The following KPNA1 variants were observed in gnomAD, a reference collection of about 807,000 sequenced individuals.
KPNA1 encodes the protein karyopherin subunit alpha 1.
In KPNA1, 10 loss-of-function variants were observed where a neutral mutation model predicts 70.5. The observed-to-expected ratio is 0.14, with a 90% CI of 0.09 to 0.24. The LOEUF (loss-of-function observed/expected upper bound fraction) is 0.24. Among genes scored for constraint, KPNA1 ranks in the 10% least tolerant of loss-of-function variants. KPNA1 has a pLI of 1.00. For synonymous variants in KPNA1, 192 were observed against 221.9 expected (o/e 0.87, Z 1.20); for missense variants, 397 against 637.9 (o/e 0.62, Z 4.07).
intron 2 of KPNA1, among the ~76,000 whole-genome samples, chr3:122,472,992 A>C (rs564971464): frequency 1.3e-5 from 2 of 152,260 alleles, no homozygotes; most frequent in South Asian, 2.1e-4. Context: ...GAGGCACCAG[A>C]ATCACCTGGA....
rs1017006118 is a variant in KPNA1 at position 122,425,540 on chromosome 3, G to T, written c.*1445C>A. ...AACATTGAGTCAAGATGGCCAACTAGCACCGAGAAGTCGTATTGAACTCAT... is the reference window on the plus strand; with the variant it reads ...AACATTGAGTCAAGATGGCCAACTATCACCGAGAAGTCGTATTGAACTCAT... On this transcript the variant is annotated 3_prime_UTR_variant, in exon 14 of 14. Coordinates refer to ENST00000344337, the MANE Select transcript of KPNA1 (RefSeq NM_002264.4). 1 of 152,534 alleles carries T rather than the reference G, an allele frequency of 6.6e-6. No homozygotes were observed. Among genetic ancestry groups the T allele is most frequent in the African/African-American group, 2.4e-5 (1 of 41,396 alleles). The allele number at this position is 152,534 out of a possible 1,614,324, so 9.4% of individuals were successfully genotyped here.
intron 1 of KPNA1, 95 bp from the exon 2 acceptor site, chr3:122,496,665 T>C: frequency 1.8e-6 from 2 of 1,139,748 alleles, no homozygotes; most frequent in Non-Finnish European, 2.5e-6. Context: ...TGCCCAGACA[T>C]ATCCCAAAGG....
chr3:122,474,718 T>C (rs1470731805), intron 2 of KPNA1, among the ~76,000 whole-genome samples: 1 of 152,076 alleles, frequency 6.6e-6, no homozygotes, highest in Non-Finnish European at 1.5e-5. Flanking sequence ...CATACGCAAA[T>C]CTATGAATGT....
chr3:122,434,862 G>A (rs971741482), intron 11 of KPNA1, among the ~76,000 whole-genome samples: 6 of 152,192 alleles, frequency 3.9e-5, no homozygotes, highest in Non-Finnish European at 8.8e-5. Context: ...GGTGGTGACA[G>A]GCAATCAAAT....
chr3:122,459,583 A>G, intron 5 of KPNA1: 1 of 985,356 alleles, frequency 1.0e-6, no homozygotes, highest in East Asian at 1.1e-4. Flanking sequence ...TCCTGAGAAA[A>G]GTCTCTCTTC....
intron 2 of KPNA1, among the ~76,000 whole-genome samples, chr3:122,478,464 CA>C (rs372579466): frequency 8.6e-5 from 13 of 151,386 alleles, no homozygotes; most frequent in African/African-American, 2.9e-4. Flanking sequence ...TCTATTAATA[CA>C]AAAATTTAAT....
chr3:122,449,484 A>C, intron 9 of KPNA1, 90 bp downstream of exon 9: 3 of 1,006,846 alleles, frequency 3.0e-6, no homozygotes, highest in Non-Finnish European at 4.4e-6. Context: ...ATCAATTATC[A>C]TGTACAATCC....
chr3:122,492,814 TATTATTCTTTACGGCAATGGTC>T (rs2076715035), intron 2 of KPNA1, among the ~76,000 whole-genome samples: 1 of 152,228 alleles, frequency 6.6e-6, no homozygotes, highest in Admixed American at 6.5e-5. Flanking sequence ...AGAAAAAGGC[TATTATTCTTTACGGCAATGGTC>T]ATTCACACTG....
At chr3:122,440,957 C>T (rs1560021230) in intron 10 of KPNA1, among the ~76,000 whole-genome samples, 1 of 152,152 alleles carries the variant, frequency 6.6e-6, no homozygotes, top group Non-Finnish European at 1.5e-5. Context: ...CCTGAGAGAA[C>T]AAATCTAATC....
In KPNA1 at chr3:122,489,940, C is replaced by T. The variant is rs369131725; in HGVS notation, c.129+6497G>A. ...GTATACAGCTCATTAATCTCCACTA[C>T]TGAGGCAAGGCTCTCCTGAATACTC... On this transcript the variant is annotated intron_variant, in intron 2 of 13. Coordinates refer to ENST00000344337, the MANE Select transcript of KPNA1 (RefSeq NM_002264.4). 3.9e-5 allele frequency among the ~76,000 whole-genome samples: 6 copies of T among 152,246 alleles called. No individual in the cohort carries two copies. The South Asian group carries it at 1.0e-3, about 26-fold the overall frequency.
At chr3:122,465,683 C>T (rs1438342081) in intron 3 of KPNA1, among the ~76,000 whole-genome samples, 1 of 152,164 alleles carries the variant, frequency 6.6e-6, no homozygotes, top group African/African-American at 2.4e-5. Flanking sequence ...GGGTGGATCA[C>T]GAGGTCAGGA....
chr3:122,486,478 C>A (rs1472568958), intron 2 of KPNA1, among the ~76,000 whole-genome samples: 1 of 152,194 alleles, frequency 6.6e-6, no homozygotes, highest in Non-Finnish European at 1.5e-5. Context: ...CACTAGGAAA[C>A]CTCTGGGTGA....
At chr3:122,478,646 GGGACCCAGGA>G (rs1232333643) in intron 2 of KPNA1, among the ~76,000 whole-genome samples, 2 of 151,086 alleles carry the variant, frequency 1.3e-5, no homozygotes, top group African/African-American at 4.9e-5. Flanking sequence ...TGCTTGAACT[GGGACCCAGGA>G]GGCGGAAGTT....
intron 2 of KPNA1, among the ~76,000 whole-genome samples, chr3:122,478,325 T>C (rs1227563219): frequency 6.6e-6 from 1 of 151,570 alleles, no homozygotes; most frequent in Non-Finnish European, 1.5e-5. Context: ...CAGACCTAAA[T>C]GTAATAAAAA....
intron 11 of KPNA1, among the ~76,000 whole-genome samples, chr3:122,436,139 G>C (rs895210303): frequency 1.3e-5 from 2 of 152,166 alleles, no homozygotes; most frequent in Non-Finnish European, 2.9e-5. Flanking sequence ...TATGGTTGTG[G>C]ATAAGGGATG....
At chr3:122,502,639 A>G (rs1449826830) in intron 1 of KPNA1, among the ~76,000 whole-genome samples, 1 of 152,206 alleles carries the variant, frequency 6.6e-6, no homozygotes, top group Non-Finnish European at 1.5e-5. Flanking sequence ...TCTGGCAGAA[A>G]CTTTATCAGA....
chr3:122,429,632 A>T (rs2075873871), intron 12 of KPNA1, among the ~76,000 whole-genome samples: 1 of 152,150 alleles, frequency 6.6e-6, no homozygotes, highest in Non-Finnish European at 1.5e-5. Context: ...AATTCTTCCC[A>T]ACTTGATCTA....
chr3:122,452,544 AGGAGGGAG>A (rs373893340), intron 6 of KPNA1, among the ~76,000 whole-genome samples: 5 of 35,502 alleles, frequency 1.4e-4, no homozygotes, highest in African/African-American at 3.2e-4. Context: ...GAAGGAGGGA[AGGAGGGAG>A]GGAGGGAGGG....
chr3:122,477,273 G>A lies in KPNA1; in HGVS notation c.130-9844C>T, dbSNP rs372889665. Among the ~76,000 whole-genome samples the A allele has an allele frequency of 4.6e-5, 7 of 152,158 alleles. No homozygotes were observed. The East Asian group carries it at 1.3e-3, about 29-fold the overall frequency. On this transcript the variant is annotated intron_variant, in intron 2 of 13. Transcript: ENST00000344337. The stretch of plus-strand genomic sequence containing the variant: ...GGTTGTTAATAAGTGTGGAGGGCTG[G>A]GGACAGGAAAGGCTGGAGAGATGTT...
Sources: allele counts gnomAD v4.1 joint callset (sites outside exome capture counted in the v4.1 genomes callset), GRCh38; gene constraint gnomAD v4.1.1; transcripts MANE v1.5; gene names NCBI Gene and HGNC (gene_info 2026-07-23, HGNC 2026-07-21).